Variants in SLC24A4 observed in about 807,000 individuals in gnomAD.
The protein encoded by SLC24A4 is solute carrier family 24 member 4.
In SLC24A4, 53 loss-of-function variants were observed where a neutral mutation model predicts 79.0. The observed-to-expected ratio is 0.67, with a 90% CI of 0.54 to 0.84. The LOEUF (loss-of-function observed/expected upper bound fraction) is 0.84. Among genes scored for constraint, SLC24A4 ranks in the 40% least tolerant of loss-of-function variants. SLC24A4 has a pLI of 0.00. For synonymous variants in SLC24A4, 323 were observed against 323.8 expected (o/e 1.00, Z 0.03); for missense variants, 731 against 822.0 (o/e 0.89, Z 1.35).
intron 2 of SLC24A4, among the ~76,000 whole-genome samples, chr14:92,394,566 AAT>A (rs1889663940): frequency 6.6e-6 from 1 of 152,224 alleles, no homozygotes; most frequent in Admixed American, 6.5e-5. Context: ...CCAACTCAAA[AAT>A]ATATATGTAG....
At chr14:92,412,344 A>G (rs890252432) in intron 2 of SLC24A4, among the ~76,000 whole-genome samples, 1 of 152,154 alleles carries the variant, frequency 6.6e-6, no homozygotes, top group Non-Finnish European at 1.5e-5. Context: ...GCCCCACCCA[A>G]ATCATATGGA....
chr14:92,499,404 C>CT lies in SLC24A4; in HGVS notation c.*5780dup, dbSNP rs1896059038. The CT allele has an allele frequency of 6.6e-6, 1 of 152,192 alleles. No homozygotes were observed. Among genetic ancestry groups the CT allele is most frequent in the Non-Finnish European group, 1.5e-5 (1 of 68,044 alleles). The allele number at this position is 152,192 out of a possible 1,614,324, so 9.4% of individuals were successfully genotyped here. A position where few individuals can be genotyped will look rare whatever the true frequency, so the allele number is the denominator to read the frequency against. ...GAAAGCCAAGCCCTTGGCTGTGTGG[C>CT]TTTTCTATCCCTTGGATTTACAGGT... is the stretch of plus-strand genomic sequence containing the variant. On this transcript the variant is annotated 3_prime_UTR_variant, in exon 17 of 17. Coordinates refer to ENST00000532405, the MANE Select transcript of SLC24A4 (RefSeq NM_153646.4).
At chr14:92,326,047 T>A in intron 2 of SLC24A4, 69 bp downstream of exon 2, 1 of 1,129,500 alleles carries the variant, frequency 8.9e-7, no homozygotes, top group Non-Finnish European at 1.3e-6. Context: ...GGCGCTTATG[T>A]GGGTGGTTAC....
Position 92,501,042 on chromosome 14 carries a change from A to C in SLC24A4, c.*7414A>C, listed in dbSNP as rs1184959393. 6.6e-6 allele frequency: 1 copy of C among 152,196 alleles called. No homozygotes were observed. Among genetic ancestry groups the C allele is most frequent in the Non-Finnish European group, 1.5e-5 (1 of 68,046 alleles). The allele number at this position is 152,196 out of a possible 1,614,324, so 9.4% of individuals were successfully genotyped here. A position where few individuals can be genotyped will look rare whatever the true frequency, so the allele number is the denominator to read the frequency against. On this transcript the variant is annotated 3_prime_UTR_variant, in exon 17 of 17. Transcript: ENST00000532405. ...GGAATCAGAGGACTCTTGTGTCCTGAAAGAACCTCCTTAAAAACAACTAAA... is the reference window on the plus strand; with the variant it reads ...GGAATCAGAGGACTCTTGTGTCCTGCAAGAACCTCCTTAAAAACAACTAAA...
rs1889937803 is a variant in SLC24A4 at position 92,398,973 on chromosome 14, C to T, written c.242-34939C>T. On this transcript the variant is annotated intron_variant, in intron 2 of 16. Coordinates refer to ENST00000532405, the MANE Select transcript of SLC24A4 (RefSeq NM_153646.4). The surrounding 1 kb of genome is among the most constrained non-coding windows in gnomAD (Gnocchi z 4.1). ...TAACTCTCCAGTATTTGAGGATGATCAAGTATCCTACTTCAGGGGGATTCT... is the reference window on the plus strand; with the variant it reads ...TAACTCTCCAGTATTTGAGGATGATTAAGTATCCTACTTCAGGGGGATTCT... Among the ~76,000 whole-genome samples the T allele has an allele frequency of 6.6e-6, 1 of 152,188 alleles. No individual in the cohort carries two copies.
chr14:92,395,432 A>AACAAAAC (rs1889708250), intron 2 of SLC24A4, among the ~76,000 whole-genome samples: 1 of 144,816 alleles, frequency 6.9e-6, no homozygotes, highest in African/African-American at 2.5e-5. Flanking sequence ...AACAAAACAA[A>AACAAAAC]ACACACACAC....
At chr14:92,487,106 C>G (rs1185100487) in intron 14 of SLC24A4, among the ~76,000 whole-genome samples, 1 of 152,196 alleles carries the variant, frequency 6.6e-6, no homozygotes, top group Admixed American at 6.5e-5. Context: ...GAGCTAATAA[C>G]AAGAAACATT....
chr14:92,337,851 G>GT (rs563689303), intron 2 of SLC24A4, among the ~76,000 whole-genome samples: 310 of 151,644 alleles, frequency 2.0e-3, no homozygotes, highest in Middle Eastern at 6.8e-3. Flanking sequence ...CACTATACAA[G>GT]TTTTTTTTTG....
intron 2 of SLC24A4, among the ~76,000 whole-genome samples, chr14:92,379,980 A>G (rs1888740412): frequency 6.6e-6 from 1 of 152,066 alleles, no homozygotes; most frequent in Non-Finnish European, 1.5e-5. Flanking sequence ...ACATGGTATC[A>G]TTGGGGTACT....
chr14:92,382,628 C>T (rs1888920098), intron 2 of SLC24A4, among the ~76,000 whole-genome samples: 1 of 152,164 alleles, frequency 6.6e-6, no homozygotes, highest in Admixed American at 6.5e-5. Flanking sequence ...AGAAAGGTCA[C>T]TTGCCATTGG....
chr14:92,428,588 G>A (rs1891693509), intron 2 of SLC24A4, among the ~76,000 whole-genome samples: 1 of 152,238 alleles, frequency 6.6e-6, no homozygotes, highest in Non-Finnish European at 1.5e-5. Flanking sequence ...CAAGTTGAAG[G>A]TGTTTATAGG....
rs550910557 is a variant in SLC24A4 at position 92,495,888 on chromosome 14, G to A, written c.*2260G>A. The A allele has an allele frequency of 1.3e-5, 2 of 152,290 alleles. No homozygotes were observed. The highest frequency in any genetic ancestry group is 3.9e-4 in the East Asian group (2 of 5,188). 9.4% of individuals were successfully genotyped at this position (152,290 alleles called of 1,614,324 possible). On this transcript the variant is annotated 3_prime_UTR_variant, in exon 17 of 17. Coordinates refer to ENST00000532405, the MANE Select transcript of SLC24A4 (RefSeq NM_153646.4). ...ATATCATTGACTCCTGGGTTCCTCA[G>A]GTCATTTCCTAATATCTGTCCCTAT...
chr14:92,480,802 G>T (rs938900060), intron 12 of SLC24A4, among the ~76,000 whole-genome samples: 5 of 151,852 alleles, frequency 3.3e-5, no homozygotes, highest in Non-Finnish European at 7.4e-5. Flanking sequence ...TTCTGTTATT[G>T]GTTTCTAATT....
intron 14 of SLC24A4, among the ~76,000 whole-genome samples, chr14:92,491,381 G>C (rs2139946078): frequency 1.3e-5 from 2 of 152,212 alleles, no homozygotes; most frequent in Admixed American, 1.3e-4. Flanking sequence ...ATTTTAACCT[G>C]TTACTTCTAT....
chr14:92,468,892 CTGTGTGTGTGTGTGTGTG>C (rs57575129), intron 12 of SLC24A4, among the ~76,000 whole-genome samples: 19 of 81,478 alleles, frequency 2.3e-4, no homozygotes, highest in African/African-American at 4.4e-4. Context: ...AATCATGTAT[CTGTGTGTGTGTGTGTGTG>C]TGTGTGTGTG....
intron 12 of SLC24A4, among the ~76,000 whole-genome samples, chr14:92,475,419 T>G (rs1318528165): frequency 6.6e-6 from 1 of 152,222 alleles, no homozygotes; most frequent in African/African-American, 2.4e-5. Flanking sequence ...CCAGCTGTGT[T>G]TGCAACCCAG....
At chr14:92,331,516 C>T (rs1885476844) in intron 2 of SLC24A4, among the ~76,000 whole-genome samples, 2 of 152,210 alleles carry the variant, frequency 1.3e-5, no homozygotes, top group Admixed American at 1.3e-4. Context: ...CTCCTAAGCT[C>T]CAGCGCTCTG....
intron 3 of SLC24A4, among the ~76,000 whole-genome samples, chr14:92,438,430 T>C (rs1011413512): frequency 2.6e-5 from 4 of 150,976 alleles, no homozygotes; most frequent in African/African-American, 9.8e-5. Context: ...ATAGTGAGAC[T>C]CCCCCCGCCA....
chr14:92,355,737 A>T (rs1256397991), intron 2 of SLC24A4, among the ~76,000 whole-genome samples: 1 of 152,190 alleles, frequency 6.6e-6, no homozygotes, highest in Non-Finnish European at 1.5e-5. Context: ...ATCTGCCTGC[A>T]TTCTGTAGCT....
Sources: allele counts gnomAD v4.1 joint callset (sites outside exome capture counted in the v4.1 genomes callset), GRCh38; gene constraint gnomAD v4.1.1; non-coding constraint Gnocchi (gnomAD v3.1); transcripts MANE v1.5; gene names NCBI Gene and HGNC (gene_info 2026-07-23, HGNC 2026-07-21).